Variants in HCN1 observed in about 807,000 individuals in gnomAD.
The protein encoded by HCN1 is potassium/sodium hyperpolarization-activated cyclic nucleotide-gated channel 1.
Under a neutral mutation model 78.9 loss-of-function variants are expected in HCN1, and 13 were observed. The observed-to-expected ratio is 0.16, with a 90% CI of 0.11 to 0.26. The LOEUF (loss-of-function observed/expected upper bound fraction) is 0.26, where lower values mean the gene tolerates loss of function less well. HCN1 is among the 10% of genes least tolerant of loss of function. The pLI, the probability that HCN1 is intolerant of heterozygous loss-of-function variation, is 1.00. For missense variants in HCN1, 810 were observed against 1,154.3 expected (o/e 0.70, Z 4.32); for synonymous variants, 552 against 455.5 (o/e 1.21, Z -2.70).
Position 45,285,529 on chromosome 5 carries a change from C to T in HCN1, c.1618+18070G>A, listed in dbSNP as rs141099742. On this transcript the variant is annotated intron_variant, in intron 6 of 7. Coordinates refer to ENST00000303230, the MANE Select transcript of HCN1 (RefSeq NM_021072.4). ...TCATTTGGATTTATTAAGGGTATTT[C>T]GCTTAAACATTTTTTACTGTATTCA... Among the ~76,000 whole-genome samples the T allele has an allele frequency of 4.7e-3, 719 of 151,856 alleles. 3 individuals are homozygous for T. Among genetic ancestry groups the T allele is most frequent in the Non-Finnish European group, 4.5e-3 (306 of 67,880 alleles).
chr5:45,477,564 T>A (rs1055607734), intron 2 of HCN1, among the ~76,000 whole-genome samples: 1 of 151,944 alleles, frequency 6.6e-6, no homozygotes, highest in Non-Finnish European at 1.5e-5. Context: ...ACATAGACAA[T>A]AAATAAATGA....
chr5:45,270,235 T>C (rs896651721), intron 6 of HCN1, among the ~76,000 whole-genome samples: 1 of 152,220 alleles, frequency 6.6e-6, no homozygotes, highest in African/African-American at 2.4e-5. Flanking sequence ...TTCTTTCTTT[T>C]TATTGTGAAG....
intron 1 of HCN1, among the ~76,000 whole-genome samples, chr5:45,658,304 T>C (rs955483356): frequency 1.3e-5 from 2 of 152,144 alleles, no homozygotes; most frequent in Non-Finnish European, 2.9e-5. Flanking sequence ...AACCTAGGCA[T>C]TACCATTCAG....
intron 3 of HCN1, among the ~76,000 whole-genome samples, chr5:45,424,674 T>C (rs1287303653): frequency 6.6e-6 from 1 of 152,110 alleles, no homozygotes; most frequent in Non-Finnish European, 1.5e-5. Context: ...AGCACTTTCC[T>C]ATTATATATA....
At chr5:45,584,667 C>T (rs1312076363) in intron 2 of HCN1, among the ~76,000 whole-genome samples, 1 of 152,168 alleles carries the variant, frequency 6.6e-6, no homozygotes, top group Non-Finnish European at 1.5e-5. Context: ...GTGGCTGATA[C>T]TGGTTGTTCC....
intron 3 of HCN1, among the ~76,000 whole-genome samples, chr5:45,398,018 T>C (rs1389331868): frequency 6.6e-6 from 1 of 151,850 alleles, no homozygotes; most frequent in African/African-American, 2.4e-5. Flanking sequence ...ATGATCTTTC[T>C]ATTAATTCAA....
At chr5:45,606,940 AGAAAAAATAT>A in intron 2 of HCN1, among the ~76,000 whole-genome samples, 1 of 152,110 alleles carries the variant, frequency 6.6e-6, no homozygotes, top group South Asian at 2.1e-4. Context: ...GGCTCACATT[AGAAAAAATAT>A]GAGAAATTAA....
chr5:45,375,142 T>C lies in HCN1; in HGVS notation c.1230+21350A>G, dbSNP rs1489866801. Among the ~76,000 whole-genome samples the C allele has an allele frequency of 4.9e-5, 6 of 122,348 alleles. No individual in the cohort carries two copies. The East Asian group carries it at 1.1e-3, about 22-fold the overall frequency. The allele number at this position is 122,348 out of a possible 152,430, so 80.3% of individuals were successfully genotyped here. A position where few individuals can be genotyped will look rare whatever the true frequency, so the allele number is the denominator to read the frequency against. ...ATATTATATATAATATATTTTATAA[T>C]ATATAATGTATTATATATAATATAT... On this transcript the variant is annotated intron_variant, in intron 4 of 7. Transcript: ENST00000303230.
intron 5 of HCN1, among the ~76,000 whole-genome samples, chr5:45,309,833 T>C (rs1299777813): frequency 1.3e-5 from 2 of 152,146 alleles, no homozygotes; most frequent in African/African-American, 4.8e-5. Context: ...TTTTCTTTTT[T>C]TGTTGTTTCT....
intron 5 of HCN1, among the ~76,000 whole-genome samples, chr5:45,304,308 T>G (rs945279011): frequency 1.3e-5 from 2 of 152,118 alleles, no homozygotes; most frequent in African/African-American, 4.8e-5. Context: ...TTTTTTTTTT[T>G]TGTTAGTGTC....
At chr5:45,350,946 C>T (rs1746885955) in intron 5 of HCN1, among the ~76,000 whole-genome samples, 1 of 152,134 alleles carries the variant, frequency 6.6e-6, no homozygotes, top group East Asian at 1.9e-4. Flanking sequence ...AATGGCCATA[C>T]TGCCCAAGGT....
intron 2 of HCN1, among the ~76,000 whole-genome samples, chr5:45,543,120 A>G (rs1283645633): frequency 6.6e-6 from 1 of 152,078 alleles, no homozygotes; most frequent in Non-Finnish European, 1.5e-5. Flanking sequence ...TTATACCCAT[A>G]AGGCATGGAC....
At chr5:45,396,179 C>T (rs929029030) in intron 4 of HCN1, among the ~76,000 whole-genome samples, 13 of 152,112 alleles carry the variant, frequency 8.5e-5, no homozygotes, top group African/African-American at 3.1e-4. Context: ...TAACTATTGA[C>T]ATATGATAGA....
At chr5:45,608,458 T>C (rs1476561962) in intron 2 of HCN1, among the ~76,000 whole-genome samples, 1 of 151,520 alleles carries the variant, frequency 6.6e-6, no homozygotes, top group African/African-American at 2.4e-5. Context: ...ATAGCTAACA[T>C]AGTTCTAAAT....
At chr5:45,369,768 G>A (rs1747314842) in intron 4 of HCN1, among the ~76,000 whole-genome samples, 1 of 152,028 alleles carries the variant, frequency 6.6e-6, no homozygotes, top group African/African-American at 2.4e-5. Context: ...GTTTTACTTG[G>A]TAAAGGAGTG....
chr5:45,539,734 A>C (rs1419688564), intron 2 of HCN1, among the ~76,000 whole-genome samples: 1 of 148,076 alleles, frequency 6.8e-6, no homozygotes, highest in East Asian at 1.9e-4. Flanking sequence ...ATTTAATATT[A>C]TTATTTTAAA....
At chr5:45,395,514 C>T (rs551044176) in intron 4 of HCN1, among the ~76,000 whole-genome samples, 24 of 152,220 alleles carry the variant, frequency 1.6e-4, no homozygotes, top group African/African-American at 5.3e-4. Context: ...TCTAGGTTCC[C>T]TTTCTCATAT....
At chr5:45,490,902 C>T (rs1005566707) in intron 2 of HCN1, among the ~76,000 whole-genome samples, 3 of 152,058 alleles carry the variant, frequency 2.0e-5, no homozygotes, top group East Asian at 3.9e-4. Flanking sequence ...CTCATTTTAT[C>T]CACTTCTTCC....
chr5:45,530,732 G>T (rs2111801963), intron 2 of HCN1, among the ~76,000 whole-genome samples: 1 of 152,168 alleles, frequency 6.6e-6, no homozygotes, highest in African/African-American at 2.4e-5. Context: ...AATAAACTAA[G>T]CACTTCCTGT....
Sources: gnomAD v4.1 joint callset for allele counts (sites outside exome capture counted in the v4.1 genomes callset) on GRCh38, gnomAD v4.1.1 for gene constraint, MANE v1.5 for transcripts, NCBI Gene and HGNC (gene_info 2026-07-23, HGNC 2026-07-21) for gene names.